Variants in PHACTR4 observed in about 807,000 individuals in gnomAD.
PHACTR4 encodes phosphatase and actin regulator 4, also known as protein phosphatase 1, regulatory subunit 124.
Under a neutral mutation model 72.7 loss-of-function variants are expected in PHACTR4, and 51 were observed. That is an observed-to-expected ratio of 0.70 (90% CI 0.56 to 0.89). The LOEUF is 0.89. PHACTR4 is among the 40% of genes least tolerant of loss of function. The pLI, the probability that PHACTR4 is intolerant of heterozygous loss-of-function variation, is 0.00. For synonymous variants in PHACTR4, 255 were observed against 302.5 expected (o/e 0.84, Z 1.63); for missense variants, 731 against 861.8 (o/e 0.85, Z 1.90).
intron 2 of PHACTR4, among the ~76,000 whole-genome samples, chr1:28,429,442 C>T (rs190014688): frequency 1.6e-4 from 25 of 152,240 alleles, no homozygotes; most frequent in Admixed American, 1.4e-3. Context: ...ATGGTCTCGA[C>T]GTTTTTTCTG....
rs1379087627 is a variant in PHACTR4 at position 28,496,635 on chromosome 1, C to G, written c.*86C>G. On this transcript the variant is annotated 3_prime_UTR_variant, in exon 14 of 14. Coordinates refer to ENST00000373839, the MANE Select transcript of PHACTR4 (RefSeq NM_001048183.3). ...ATATGGAGGGAACTTTAGCACTTCC[C>G]AGCACAGCCAGAATTGCATCCTCTG... is the stretch of plus-strand genomic sequence containing the variant. 8 of 1,467,148 alleles carry G rather than the reference C, an allele frequency of 5.5e-6. No homozygotes were observed. Among genetic ancestry groups the G allele is most frequent in the Non-Finnish European group, 7.6e-6 (8 of 1,052,188 alleles). The allele number at this position is 1,467,148 out of a possible 1,614,324, so 90.9% of individuals were successfully genotyped here. A position where few individuals can be genotyped will look rare whatever the true frequency, so the allele number is the denominator to read the frequency against.
chr1:28,387,301 T>TC (rs1652635277), intron 1 of PHACTR4, among the ~76,000 whole-genome samples: 1 of 151,140 alleles, frequency 6.6e-6, no homozygotes, highest in Non-Finnish European at 1.5e-5. Context: ...CAAACAGTTT[T>TC]CCCCCTCCTC....
At chr1:28,488,560 C>T (rs1011065736) in intron 9 of PHACTR4, among the ~76,000 whole-genome samples, 12 of 151,736 alleles carry the variant, frequency 7.9e-5, no homozygotes, top group African/African-American at 2.9e-4. Context: ...GGGGCCAAGG[C>T]GGGAAGATAG....
chr1:28,422,876 TC>T (rs1655595613), intron 2 of PHACTR4, among the ~76,000 whole-genome samples: 1 of 152,156 alleles, frequency 6.6e-6, no homozygotes, highest in African/African-American at 2.4e-5. Flanking sequence ...AACCTTCACC[TC>T]CCGGGTTCAA....
intron 2 of PHACTR4, among the ~76,000 whole-genome samples, chr1:28,450,701 C>T (rs576997601): frequency 6.6e-6 from 1 of 152,140 alleles, no homozygotes; most frequent in South Asian, 2.1e-4. Flanking sequence ...CTCACTGCAA[C>T]CTCAACCACC....
Position 28,458,097 on chromosome 1 carries a change from GGTGTGTGTGTTTGTGTGTGTGT to G in PHACTR4, c.17-977_17-956del, listed in dbSNP as rs1251303276. Among the ~76,000 whole-genome samples the G allele has an allele frequency of 6.1e-3, 825 of 135,304 alleles. 11 individuals are homozygous for G. The highest frequency in any genetic ancestry group is 0.021 in the African/African-American group (777 of 36,622). The allele number at this position is 135,304 out of a possible 152,430, so 88.8% of individuals were successfully genotyped here. The stretch of plus-strand genomic sequence containing the variant: ...TTTTATGTCAAATCCTTAATATTAT[GGTGTGTGTGTTTGTGTGTGTGT>G]GTGTGTGTGTGTGTGTGTGTGTGTG... On this transcript the variant is annotated intron_variant, in intron 2 of 13. Transcript: ENST00000373839.
At chr1:28,463,782 G>C (rs1658964783) in intron 4 of PHACTR4, among the ~76,000 whole-genome samples, 1 of 152,206 alleles carries the variant, frequency 6.6e-6, no homozygotes, top group South Asian at 2.1e-4. Context: ...ACCCAGGCTA[G>C]AGCACAGTGG....
intron 2 of PHACTR4, among the ~76,000 whole-genome samples, chr1:28,456,691 A>G (rs1376462550): frequency 6.6e-6 from 1 of 151,714 alleles, no homozygotes; most frequent in Non-Finnish European, 1.5e-5. Context: ...TTCTTTACCT[A>G]AAAAAGAAGA....
At chr1:28,376,894 C>T (rs1157873752) in intron 1 of PHACTR4, among the ~76,000 whole-genome samples, 1 of 152,086 alleles carries the variant, frequency 6.6e-6, no homozygotes, top group Non-Finnish European at 1.5e-5. Context: ...GTCTCGGCCT[C>T]TCAAAGTGTG....
At chr1:28,457,918 GTTT>G in intron 2 of PHACTR4, 7 of 764,658 alleles carry the variant, frequency 9.2e-6, no homozygotes, top group Non-Finnish European at 9.5e-6. Flanking sequence ...CTTCCTGCTG[GTTT>G]TTTTTTTTTT....
chr1:28,406,641 G>A (rs1387520914), intron 1 of PHACTR4, among the ~76,000 whole-genome samples: 1 of 152,082 alleles, frequency 6.6e-6, no homozygotes, highest in Non-Finnish European at 1.5e-5. Flanking sequence ...AGTAGGTTGT[G>A]ACTTATAAAA....
chr1:28,444,055 G>T (rs1012815653), intron 2 of PHACTR4, among the ~76,000 whole-genome samples: 3 of 151,878 alleles, frequency 2.0e-5, no homozygotes, highest in Admixed American at 6.6e-5. Flanking sequence ...CACCGACAGT[G>T]TATAGTGTTC....
chr1:28,372,832 A>G (rs1239346889), intron 1 of PHACTR4, among the ~76,000 whole-genome samples: 8 of 150,502 alleles, frequency 5.3e-5, no homozygotes. Context: ...AGCCTGGGCG[A>G]CAGAGGGAGA....
chr1:28,393,843 C>CT (rs1214139073), intron 1 of PHACTR4, among the ~76,000 whole-genome samples: 1 of 151,986 alleles, frequency 6.6e-6, no homozygotes, highest in Non-Finnish European at 1.5e-5. Flanking sequence ...GTAGCTGGGA[C>CT]TACAGGCACA....
intron 6 of PHACTR4, among the ~76,000 whole-genome samples, chr1:28,472,590 A>T (rs1231832985): frequency 2.0e-5 from 3 of 149,898 alleles, no homozygotes; most frequent in African/African-American, 7.5e-5. Flanking sequence ...TTTTTAATGG[A>T]GTACTGTTAT....
At chr1:28,446,707 A>G (rs1294814614) in intron 2 of PHACTR4, among the ~76,000 whole-genome samples, 1 of 152,022 alleles carries the variant, frequency 6.6e-6, no homozygotes, top group Non-Finnish European at 1.5e-5. Context: ...TGAACCCTGG[A>G]GGCGGAGGTT....
At position 28,383,978 on chromosome 1, in the gene PHACTR4, A is replaced by G. The variant is rs114097387; in HGVS notation, c.-39+14153A>G. On this transcript the variant is annotated intron_variant, in intron 1 of 13. Transcript: ENST00000373839. ...ATGAATCATATTTACGAATTTGCATATGTTGAACCAACCTTGCATCCCAGG... is the reference window on the plus strand; with the variant it reads ...ATGAATCATATTTACGAATTTGCATGTGTTGAACCAACCTTGCATCCCAGG... Among the ~76,000 whole-genome samples the G allele has an allele frequency of 7.6e-3, 1,161 of 152,284 alleles. 6 individuals carry two copies. The highest frequency in any genetic ancestry group is 0.014 in the Non-Finnish European group (929 of 68,014).
intron 11 of PHACTR4, 150 bp downstream of exon 11, chr1:28,491,162 A>G: frequency 1.5e-6 from 1 of 676,556 alleles, no homozygotes; most frequent in Non-Finnish European, 2.5e-6. Context: ...TGAGCCCAGG[A>G]GTTCAAGACC....
At chr1:28,491,073 G>A in intron 11 of PHACTR4, 61 bp downstream of exon 11, 1 of 1,524,886 alleles carries the variant, frequency 6.6e-7, no homozygotes, top group Non-Finnish European at 9.1e-7. Context: ...CTATTTGATT[G>A]GAAATGAATT....
Sources: allele counts gnomAD v4.1 joint callset (sites outside exome capture counted in the v4.1 genomes callset), GRCh38; gene constraint gnomAD v4.1.1; transcripts MANE v1.5; gene names NCBI Gene and HGNC (gene_info 2026-07-23, HGNC 2026-07-21).